OR51B5: variants seen among roughly 807,000 people sequenced by gnomAD.
The protein encoded by OR51B5 is olfactory receptor 51B5.
For missense variants in OR51B5, 456 were observed against 374.6 expected (o/e 1.22, Z -1.79); for synonymous variants, 186 against 144.8 (o/e 1.28, Z -2.04).
At chr11:5,378,522 G>A (rs1849563022) in intron 1 of OR51B5, among the ~76,000 whole-genome samples, 1 of 152,056 alleles carries the variant, frequency 6.6e-6, no homozygotes, top group African/African-American at 2.4e-5. Flanking sequence ...GAGTGAACAG[G>A]CAACCTACAC....
At chr11:5,342,924 C>G in exon 1 of OR51B5, 1 of 1,613,918 alleles carries the variant, frequency 6.2e-7, no homozygotes, top group Non-Finnish European at 8.5e-7. Context: ...ATAAAGACTA[C>G]AAGCACAGCT....
At chr11:5,387,027 G>A (rs112771476) in intron 1 of OR51B5, among the ~76,000 whole-genome samples, 1,546 of 152,142 alleles carry the variant, frequency 0.01, 15 homozygotes, top group South Asian at 0.018. Flanking sequence ...ATGTAACGGA[G>A]TTATCTGGAC....
At chr11:5,424,674 T>TA (rs1312134747) in intron 1 of OR51B5, among the ~76,000 whole-genome samples, 1 of 151,850 alleles carries the variant, frequency 6.6e-6, no homozygotes, top group Non-Finnish European at 1.5e-5. Flanking sequence ...CCTGTCTCTG[T>TA]AAGTAGCATT....
At chr11:5,352,832 T>A (rs1020278638) in intron 1 of OR51B5, among the ~76,000 whole-genome samples, 1 of 124,616 alleles carries the variant, frequency 8.0e-6, no homozygotes, top group Admixed American at 8.1e-5. Flanking sequence ...ATACACACTA[T>A]TATATATACT....
At chr11:5,343,545 A>G (rs12801245), upstream of OR51B5, 1 of 737,478 alleles carries the variant, frequency 1.4e-6, no homozygotes, top group East Asian at 2.5e-5. Flanking sequence ...TATAGAAGAA[A>G]TGTCTTTCTG....
chr11:5,373,693 C>G (rs569760633), intron 1 of OR51B5, among the ~76,000 whole-genome samples: 3 of 152,140 alleles, frequency 2.0e-5, no homozygotes, highest in Admixed American at 6.5e-5. Context: ...CACATGGCTC[C>G]GAGGGTCCTA....
At chr11:5,451,234 C>T (rs1377066404) in intron 1 of OR51B5, among the ~76,000 whole-genome samples, 1 of 152,218 alleles carries the variant, frequency 6.6e-6, no homozygotes, top group Non-Finnish European at 1.5e-5. Flanking sequence ...GTCAGGCAGT[C>T]TTTCTTCTAC....
At position 5,462,725 on chromosome 11, in the gene OR51B5, T is replaced by C. The variant is rs1851077201; in HGVS notation, n.84+42844A>G. On this transcript the variant is annotated intron_variant and non_coding_transcript_variant, in intron 1 of 4. Transcript: ENST00000415970. ...TTTTCTACCTGGGCTGATGCACTAC[T>C]TTGGACTCAGGACCCTCTGTTGTTT... is the stretch of plus-strand genomic sequence containing the variant. Among the ~76,000 whole-genome samples, 9 of 152,350 alleles carry C rather than the reference T, an allele frequency of 5.9e-5. No individual in the cohort carries two copies. The South Asian group carries it at 1.9e-3, about 32-fold the overall frequency.
intron 1 of OR51B5, among the ~76,000 whole-genome samples, chr11:5,367,773 A>C (rs1313246222): frequency 8.5e-5 from 13 of 152,230 alleles, no homozygotes; most frequent in Admixed American, 8.5e-4. Flanking sequence ...TGCCTCTGAC[A>C]AAAGGAACAA....
intron 1 of OR51B5, among the ~76,000 whole-genome samples, chr11:5,403,929 C>A (rs929130678): frequency 2.0e-5 from 3 of 152,022 alleles, no homozygotes; most frequent in African/African-American, 7.3e-5. Flanking sequence ...AAATGTATTA[C>A]ATTGTCTTCA....
At chr11:5,430,577 T>C (rs750678994) in intron 1 of OR51B5, 9 of 385,266 alleles carry the variant, frequency 2.3e-5, no homozygotes, top group Admixed American at 9.0e-5. Flanking sequence ...AAATGCCTAA[T>C]GTAGAGCTTT....
intron 1 of OR51B5, among the ~76,000 whole-genome samples, chr11:5,496,837 T>G (rs1851656703): frequency 6.6e-6 from 1 of 152,150 alleles, no homozygotes; most frequent in Non-Finnish European, 1.5e-5. Flanking sequence ...CAATAGCACT[T>G]GGGAGAAGAA....
chr11:5,417,561 G>C (rs1385897879), intron 1 of OR51B5, among the ~76,000 whole-genome samples: 2 of 147,844 alleles, frequency 1.4e-5, no homozygotes, highest in African/African-American at 2.5e-5. Flanking sequence ...AATCTACAAT[G>C]AACTCAAACA....
chr11:5,417,853 G>GAAGT (rs71050497), intron 1 of OR51B5, among the ~76,000 whole-genome samples: 24 of 46,228 alleles, frequency 5.2e-4, no homozygotes, highest in Non-Finnish European at 7.9e-4. Context: ...AACCATTGTG[G>GAAGT]CGATTCCTCA....
intron 1 of OR51B5, among the ~76,000 whole-genome samples, chr11:5,374,617 C>A (rs1849495229): frequency 6.6e-6 from 1 of 151,996 alleles, no homozygotes; most frequent in African/African-American, 2.4e-5. Context: ...ACTAGAATAA[C>A]CAATACAGAG....
intron 1 of OR51B5, among the ~76,000 whole-genome samples, chr11:5,461,572 T>A (rs1851054225): frequency 6.6e-6 from 1 of 152,124 alleles, no homozygotes; most frequent in African/African-American, 2.4e-5. Flanking sequence ...GTGGCAAGCT[T>A]TGGGGTAATG....
chr11:5,449,585 G>A (rs1228061869), intron 1 of OR51B5, among the ~76,000 whole-genome samples: 1 of 152,170 alleles, frequency 6.6e-6, no homozygotes, highest in African/African-American at 2.4e-5. Flanking sequence ...ATAACCCCAA[G>A]CGATTCATTG....
intron 1 of OR51B5, among the ~76,000 whole-genome samples, chr11:5,474,562 G>A (rs150983516): frequency 1.8e-3 from 277 of 152,226 alleles, no homozygotes; most frequent in Middle Eastern, 3.4e-3. Context: ...TTTGAATTTT[G>A]TAGTTAAGCC....
intron 1 of OR51B5, chr11:5,489,896 C>T (rs1334048048): frequency 4.0e-6 from 2 of 498,154 alleles, no homozygotes; most frequent in Non-Finnish European, 7.0e-6. Context: ...TATTCTCACA[C>T]TTGTCTTAAA....
Sources: gnomAD v4.1 joint callset for allele counts (sites outside exome capture counted in the v4.1 genomes callset) on GRCh38, gnomAD v4.1.1 for gene constraint, MANE v1.5 for transcripts, NCBI Gene and HGNC (gene_info 2026-07-23, HGNC 2026-07-21) for gene names.